Variants in FSTL5 observed in about 807,000 individuals in gnomAD.
FSTL5 encodes the protein follistatin-related protein 5.
In FSTL5, 62 loss-of-function variants were observed where a neutral mutation model predicts 89.1. The observed-to-expected ratio is 0.70, with a 90% CI of 0.57 to 0.86. FSTL5 has a LOEUF of 0.86. FSTL5 is among the 40% of genes least tolerant of loss of function. The pLI, the probability that FSTL5 is intolerant of heterozygous loss-of-function variation, is 0.00. For synonymous variants in FSTL5, 383 were observed against 346.2 expected (o/e 1.11, Z -1.18); for missense variants, 1,057 against 1,001.6 (o/e 1.06, Z -0.75).
chr4:161,519,146 T>C (rs1730938195), intron 10 of FSTL5, among the ~76,000 whole-genome samples: 1 of 152,196 alleles, frequency 6.6e-6, no homozygotes, highest in African/African-American at 2.4e-5. Flanking sequence ...CTGCTTTATG[T>C]GTGATAGAGA....
chr4:161,629,685 A>G (rs1221819218), intron 7 of FSTL5, among the ~76,000 whole-genome samples: 1 of 152,178 alleles, frequency 6.6e-6, no homozygotes, highest in Non-Finnish European at 1.5e-5. Context: ...TGGAGGGAAG[A>G]AAATGGGATT....
At chr4:161,655,412 T>C (rs1448068239) in intron 7 of FSTL5, among the ~76,000 whole-genome samples, 5 of 152,064 alleles carry the variant, frequency 3.3e-5, no homozygotes, top group Admixed American at 3.3e-4. Flanking sequence ...TGACCCCAGA[T>C]TGACCAATCA....
intron 1 of FSTL5, among the ~76,000 whole-genome samples, chr4:162,158,072 C>T (rs924637373): frequency 6.6e-6 from 1 of 152,058 alleles, no homozygotes; most frequent in Non-Finnish European, 1.5e-5. Flanking sequence ...TTTAATCTCA[C>T]AGACTGTTCA....
intron 7 of FSTL5, among the ~76,000 whole-genome samples, chr4:161,624,948 A>AC (rs1351287153): frequency 6.6e-6 from 1 of 152,074 alleles, no homozygotes; most frequent in Admixed American, 6.6e-5. Flanking sequence ...CAATATGTAA[A>AC]CCCTTTTTTG....
intron 4 of FSTL5, among the ~76,000 whole-genome samples, chr4:161,868,241 C>A (rs1464608822): frequency 6.6e-6 from 1 of 152,160 alleles, no homozygotes; most frequent in Admixed American, 6.6e-5. Context: ...CTCTATTCGT[C>A]ATCTACAATC....
chr4:161,756,163 T>C (rs1317208540), intron 6 of FSTL5, among the ~76,000 whole-genome samples: 1 of 152,024 alleles, frequency 6.6e-6, no homozygotes, highest in Non-Finnish European at 1.5e-5. Flanking sequence ...TTTCCCGTAA[T>C]TGCAGCATTA....
chr4:162,129,105 G>A (rs920936122), intron 1 of FSTL5, among the ~76,000 whole-genome samples: 2 of 152,000 alleles, frequency 1.3e-5, no homozygotes, highest in African/African-American at 4.8e-5. Flanking sequence ...GCTAATTTTT[G>A]TATATTTAGT....
At chr4:161,903,871 C>A (rs1378167340) in intron 4 of FSTL5, among the ~76,000 whole-genome samples, 1 of 151,844 alleles carries the variant, frequency 6.6e-6, no homozygotes, top group South Asian at 2.1e-4. Context: ...TCCTCTGAGG[C>A]CCCTGCTAAT....
chr4:161,702,758 C>G (rs180749334), intron 6 of FSTL5, among the ~76,000 whole-genome samples: 273 of 152,216 alleles, frequency 1.8e-3, no homozygotes, highest in African/African-American at 6.1e-3. Flanking sequence ...TCACTTATTG[C>G]TGAGCCTCCC....
At chr4:161,605,850 T>C (rs1734421168) in intron 7 of FSTL5, among the ~76,000 whole-genome samples, 1 of 151,752 alleles carries the variant, frequency 6.6e-6, no homozygotes, top group African/African-American at 2.4e-5. Context: ...CTGTAACTTC[T>C]GGTCTTCTAT....
At chr4:161,904,720 G>T (rs1230677455) in intron 4 of FSTL5, among the ~76,000 whole-genome samples, 1 of 151,628 alleles carries the variant, frequency 6.6e-6, no homozygotes, top group Non-Finnish European at 1.5e-5. Context: ...AATGATTTGA[G>T]AATTAACACC....
At chr4:161,534,374 A>G (rs2126534549) in intron 10 of FSTL5, among the ~76,000 whole-genome samples, 1 of 152,288 alleles carries the variant, frequency 6.6e-6, no homozygotes, top group Admixed American at 6.5e-5. Context: ...CAAATTCAGC[A>G]AAGTTTCAGG....
At chr4:161,505,054 T>C (rs1730429721) in intron 11 of FSTL5, among the ~76,000 whole-genome samples, 1 of 152,076 alleles carries the variant, frequency 6.6e-6, no homozygotes, top group Admixed American at 6.6e-5. Context: ...TCAAAGGTAT[T>C]TCAATAAATT....
intron 6 of FSTL5, among the ~76,000 whole-genome samples, chr4:161,727,981 TCAAACAAACAAACAAA>T (rs570054024): frequency 1.1e-3 from 168 of 152,212 alleles, no homozygotes; most frequent in Middle Eastern, 6.8e-3. Flanking sequence ...AGACTCTGTC[TCAAACAAACAAACAAA>T]CAAAACATGG....
At chr4:161,426,003 G>T (rs1732156574) in intron 15 of FSTL5, among the ~76,000 whole-genome samples, 2 of 151,682 alleles carry the variant, frequency 1.3e-5, no homozygotes, top group Admixed American at 1.3e-4. Context: ...TTTATCAAAG[G>T]TTTTAAACTT....
At chr4:162,074,206 T>G (rs550639701) in intron 2 of FSTL5, among the ~76,000 whole-genome samples, 1 of 151,916 alleles carries the variant, frequency 6.6e-6, no homozygotes, top group South Asian at 2.1e-4. Flanking sequence ...CATTTCCCCT[T>G]TTCTGAAAGA....
chr4:161,671,959 T>C (rs1481679812), intron 6 of FSTL5, among the ~76,000 whole-genome samples: 1 of 152,164 alleles, frequency 6.6e-6, no homozygotes, highest in Non-Finnish European at 1.5e-5. Flanking sequence ...AGCAATCTGA[T>C]TATCCCATGT....
At chr4:161,656,576 T>A in intron 6 of FSTL5, 82 bp from the exon 7 acceptor site, 3 of 753,812 alleles carry the variant, frequency 4.0e-6, no homozygotes, top group Non-Finnish European at 3.9e-6. Flanking sequence ...ATACTAGTAA[T>A]TAAGGCTTTT....
intron 15 of FSTL5, among the ~76,000 whole-genome samples, chr4:161,411,284 T>G (rs1401466746): frequency 6.6e-6 from 1 of 151,884 alleles, no homozygotes; most frequent in African/African-American, 2.4e-5. Flanking sequence ...CTAATCCTAC[T>G]AAAAGTTTTC....
Sources: gnomAD v4.1 joint callset for allele counts (sites outside exome capture counted in the v4.1 genomes callset) on GRCh38, gnomAD v4.1.1 for gene constraint, MANE v1.5 for transcripts, NCBI Gene and HGNC (gene_info 2026-07-23, HGNC 2026-07-21) for gene names.